The following NRCAM variants were observed in gnomAD, a reference collection of about 807,000 sequenced individuals.
NRCAM encodes the protein neuronal cell adhesion molecule, also known as NgCAM-related cell adhesion molecule.
A neutral mutation model predicts 156.5 loss-of-function variants in NRCAM; 83 were observed. The observed-to-expected ratio is 0.53, with a 90% CI of 0.44 to 0.64. NRCAM has a LOEUF of 0.64. NRCAM is among the 30% of genes least tolerant of loss of function. The probability of loss-of-function intolerance (pLI) is 0.00; values close to 1 mark genes in which losing one functional copy is unlikely to be tolerated. For missense variants in NRCAM, 1,417 were observed against 1,597.3 expected, an observed-to-expected ratio of 0.89 and a Z score of 1.92; for synonymous variants, 538 against 563.9, an observed-to-expected ratio of 0.95 and a Z score of 0.65.
At chr7:108,226,800 A>G (rs1589112385) in intron 8 of NRCAM, among the ~76,000 whole-genome samples, 3 of 152,202 alleles carry the variant, frequency 2.0e-5, no homozygotes. Context: ...TACACACAAC[A>G]TTCAGAAACT....
chr7:108,450,614 T>TA (rs11452977), intron 1 of NRCAM, among the ~76,000 whole-genome samples: 37,459 of 152,050 alleles, frequency 0.25, 4,942 homozygotes, highest in Non-Finnish European at 0.29. Flanking sequence ...TTTTTGGCAG[T>TA]AAAAAAAGCA....
intron 1 of NRCAM, among the ~76,000 whole-genome samples, chr7:108,441,997 G>A (rs960154312): frequency 6.6e-6 from 1 of 152,100 alleles, no homozygotes; most frequent in African/African-American, 2.4e-5. Flanking sequence ...CTAATAAATG[G>A]CAGGGATTAT....
At chr7:108,433,763 G>T (rs1828695222) in intron 1 of NRCAM, among the ~76,000 whole-genome samples, 1 of 152,200 alleles carries the variant, frequency 6.6e-6, no homozygotes, top group African/African-American at 2.4e-5. Context: ...CTGAGCAGAT[G>T]CCAGCACCAA....
intron 3 of NRCAM, among the ~76,000 whole-genome samples, chr7:108,293,563 C>T (rs1030621388): frequency 4.6e-5 from 7 of 152,184 alleles, no homozygotes; most frequent in Middle Eastern, 3.2e-3. Context: ...GCAGGCAGTA[C>T]ACTGTGATAC....
At chr7:108,283,936 C>T (rs1228364068) in intron 3 of NRCAM, among the ~76,000 whole-genome samples, 2 of 152,134 alleles carry the variant, frequency 1.3e-5, no homozygotes, top group Admixed American at 6.5e-5. Flanking sequence ...ACCTCTGCCT[C>T]CTGGGTTCAA....
At chr7:108,383,137 C>G (rs1337504184) in intron 2 of NRCAM, among the ~76,000 whole-genome samples, 3 of 84,056 alleles carry the variant, frequency 3.6e-5, no homozygotes, top group Non-Finnish European at 7.7e-5. Flanking sequence ...CACACACGCT[C>G]TCACACACAC....
rs1049691377 is a variant in NRCAM, at chr7:108,209,365, A to G, written c.1075+56T>C. ...AAAAATGTAATGAAAACCACATTTA[A>G]TTAAAGTTTCAGGGTCTCTCATGAA... On this transcript the variant is annotated intron_variant, in intron 12 of 32. Coordinates refer to ENST00000379028, the MANE Select transcript of NRCAM (RefSeq NM_001037132.4). 40 of 1,214,956 alleles carry G rather than the reference A, an allele frequency of 3.3e-5. No homozygotes were observed. The South Asian group carries it at 6.5e-4, about 20-fold the overall frequency. The allele number at this position is 1,214,956 out of a possible 1,614,324, so 75.3% of individuals were successfully genotyped here.
intron 3 of NRCAM, among the ~76,000 whole-genome samples, chr7:108,288,973 G>A (rs2098196661): frequency 6.6e-6 from 1 of 152,166 alleles, no homozygotes; most frequent in African/African-American, 2.4e-5. Context: ...GGGTGGGGTA[G>A]GGGGTTGAAG....
At chr7:108,179,045 G>A (rs1010227647) in intron 25 of NRCAM, among the ~76,000 whole-genome samples, 5 of 152,106 alleles carry the variant, frequency 3.3e-5, no homozygotes, top group African/African-American at 1.2e-4. Flanking sequence ...ACCATGCCTG[G>A]CACATAGTTC....
intron 1 of NRCAM, among the ~76,000 whole-genome samples, chr7:108,447,348 C>T (rs1845608662): frequency 6.7e-6 from 1 of 149,776 alleles, no homozygotes; most frequent in East Asian, 2.0e-4. Flanking sequence ...TCACTGAAAC[C>T]TCTGCCTCCT....
intron 3 of NRCAM, among the ~76,000 whole-genome samples, chr7:108,305,757 T>C (rs1470105190): frequency 6.6e-6 from 1 of 152,236 alleles, no homozygotes; most frequent in East Asian, 1.9e-4. Context: ...ACCAAGAAAA[T>C]GCATATCTAA....
chr7:108,194,108 A>G lies in NRCAM; in HGVS notation c.1694T>C (p.Phe565Ser). Residue 565 changes from phenylalanine (F) to serine (S), a missense_variant, in exon 17 of 33, where the codon TTT (phenylalanine) becomes TCT (serine). By Grantham distance (155) the Phe-to-Ser change is radical. Around this residue, in one of 2 missense-constraint regions of NRCAM, gnomAD observed 1,238 missense variants for 1,336.4 expected, o/e 0.93. Transcript: ENST00000379028. ...AVVQRGSMVS[F>S]ECKVKHDHTL... ...GTGATCATGTTTCACTTTGCATTCA[A>G]AGGACACCATGCTCCCTCTTTGCAC... 1 of 1,614,176 alleles carries G rather than the reference A, an allele frequency of 6.2e-7. No individual in the cohort carries two copies. The highest frequency in any genetic ancestry group is 8.5e-7 in the Non-Finnish European group (1 of 1,179,984).
intron 3 of NRCAM, among the ~76,000 whole-genome samples, chr7:108,287,646 C>T (rs551116989): frequency 6.2e-4 from 72 of 117,066 alleles, no homozygotes; most frequent in Middle Eastern, 8.1e-3. Flanking sequence ...AACAATGTCA[C>T]CAATAACACA....
chr7:108,355,087 T>C (rs1302579486), intron 2 of NRCAM, among the ~76,000 whole-genome samples: 1 of 152,238 alleles, frequency 6.6e-6, no homozygotes, highest in Non-Finnish European at 1.5e-5. Flanking sequence ...TGAAGCCTTA[T>C]TATCATAAAG....
intron 20 of NRCAM, among the ~76,000 whole-genome samples, chr7:108,188,123 G>C (rs1007073499): frequency 6.6e-6 from 1 of 152,172 alleles, no homozygotes; most frequent in African/African-American, 2.4e-5. Flanking sequence ...AGAAGCCTCA[G>C]ACTACAGTAT....
At chr7:108,245,017 T>C (rs1269638) in intron 3 of NRCAM, among the ~76,000 whole-genome samples, 125,735 of 152,252 alleles carry the variant, frequency 0.83, 52,081 homozygotes, top group East Asian at 0.99. Flanking sequence ...GAGCCTTTTC[T>C]ATGTGCCAGG....
intron 3 of NRCAM, among the ~76,000 whole-genome samples, chr7:108,240,394 C>T (rs2095444876): frequency 6.6e-6 from 1 of 152,120 alleles, no homozygotes; most frequent in Admixed American, 6.6e-5. Flanking sequence ...AATCTGTCTA[C>T]CATCCTTATG....
intron 14 of NRCAM, among the ~76,000 whole-genome samples, chr7:108,197,224 C>T (rs2075618902): frequency 6.6e-6 from 1 of 152,138 alleles, no homozygotes; most frequent in Admixed American, 6.5e-5. Flanking sequence ...TCTCAACATC[C>T]ACCAATATCT....
At chr7:108,385,543 T>C (rs1018509056) in intron 2 of NRCAM, among the ~76,000 whole-genome samples, 3 of 152,192 alleles carry the variant, frequency 2.0e-5, no homozygotes, top group Non-Finnish European at 2.9e-5. Context: ...GGATCTCCAA[T>C]GAATTAGTCG....
Sources: allele counts gnomAD v4.1 joint callset (sites outside exome capture counted in the v4.1 genomes callset), GRCh38; gene constraint gnomAD v4.1.1; regional missense constraint gnomAD v4.1.1; transcripts MANE v1.5; gene names NCBI Gene and HGNC (gene_info 2026-07-23, HGNC 2026-07-21).